HMBOX1: variants seen among roughly 807,000 people sequenced by gnomAD.
HMBOX1 encodes homeobox-containing protein 1.
Under a neutral mutation model 54.5 loss-of-function variants are expected in HMBOX1, and 14 were observed. That is an observed-to-expected ratio of 0.26 (90% CI 0.17 to 0.40). The LOEUF (loss-of-function observed/expected upper bound fraction) is 0.40, where lower values mean the gene tolerates loss of function less well. Ranked by LOEUF, HMBOX1 falls within the 10% of genes least tolerant of loss-of-function variation. The probability of loss-of-function intolerance (pLI) is 1.00; values close to 1 mark genes in which losing one functional copy is unlikely to be tolerated. For synonymous variants in HMBOX1, 160 were observed against 181.0 expected (o/e 0.88, Z 0.93); for missense variants, 332 against 514.4 (o/e 0.65, Z 3.43).
At chr8:28,909,933 C>T (rs1815085868) in intron 1 of HMBOX1, among the ~76,000 whole-genome samples, 1 of 151,862 alleles carries the variant, frequency 6.6e-6, no homozygotes, top group Non-Finnish European at 1.5e-5. Context: ...GATCATGGCT[C>T]ACTGCAGCCT....
intron 5 of HMBOX1, among the ~76,000 whole-genome samples, chr8:29,018,009 C>T (rs868576891): frequency 4.6e-5 from 7 of 151,948 alleles, no homozygotes; most frequent in South Asian, 4.2e-4. Flanking sequence ...ATTAGAAGAC[C>T]GATATGATCA....
intron 1 of HMBOX1, among the ~76,000 whole-genome samples, chr8:28,962,908 C>A (rs1213701426): frequency 6.6e-6 from 1 of 152,076 alleles, no homozygotes; most frequent in Non-Finnish European, 1.5e-5. Context: ...CTCCTAAGCT[C>A]CTCTACTGTT....
chr8:28,921,958 C>T (rs1441458774), intron 1 of HMBOX1, among the ~76,000 whole-genome samples: 2 of 152,056 alleles, frequency 1.3e-5, no homozygotes, highest in East Asian at 3.9e-4. Flanking sequence ...AAAAGTAATA[C>T]TTAGAAGAGG....
chr8:28,954,496 G>T (rs1206655601), intron 1 of HMBOX1, among the ~76,000 whole-genome samples: 1 of 151,950 alleles, frequency 6.6e-6, no homozygotes, highest in Non-Finnish European at 1.5e-5. Context: ...TTTCTTCCCT[G>T]ATTTAAATAT....
chr8:28,909,341 GT>G (rs1417465614), intron 1 of HMBOX1, among the ~76,000 whole-genome samples: 3 of 152,068 alleles, frequency 2.0e-5, no homozygotes. Context: ...ATAAAAATGG[GT>G]AACTAGAAAA....
chr8:29,016,740 A>C lies in HMBOX1; in HGVS notation c.698-2020A>C, dbSNP rs543508790. Among the ~76,000 whole-genome samples, 38 of 152,346 alleles carry C rather than the reference A, an allele frequency of 2.5e-4. 1 individual carries two copies. In the South Asian group the frequency reaches 7.9e-3, roughly 32 times the overall value. On this transcript the variant is annotated intron_variant, in intron 5 of 9. Coordinates refer to ENST00000287701, the MANE Select transcript of HMBOX1 (RefSeq NM_001135726.3). ...TCACTGCCTGTTGGTCAGAGACATC[A>C]GTTCCTCACAACATGGGCCTCACCA...
intron 9 of HMBOX1, among the ~76,000 whole-genome samples, chr8:29,049,764 A>G (rs992209481): frequency 1.3e-5 from 2 of 152,156 alleles, no homozygotes; most frequent in Non-Finnish European, 2.9e-5. Context: ...TTTTGATAGG[A>G]TTTAAATTTC....
At chr8:28,914,433 A>T (rs1330037782) in intron 1 of HMBOX1, among the ~76,000 whole-genome samples, 1 of 152,226 alleles carries the variant, frequency 6.6e-6, no homozygotes, top group South Asian at 2.1e-4. Flanking sequence ...GAAATTTAAC[A>T]TACTAATTAA....
At chr8:28,966,711 C>T (rs1826496899) in intron 2 of HMBOX1, among the ~76,000 whole-genome samples, 1 of 152,190 alleles carries the variant, frequency 6.6e-6, no homozygotes, top group South Asian at 2.1e-4. Context: ...AGCGTTTTCT[C>T]AGTAAAATAT....
At chr8:29,027,947 T>C (rs1403545844) in intron 6 of HMBOX1, among the ~76,000 whole-genome samples, 6 of 152,224 alleles carry the variant, frequency 3.9e-5, no homozygotes, top group Admixed American at 3.9e-4. Flanking sequence ...AATGTGTTTT[T>C]GTTATTAAAT....
chr8:29,032,993 A>G (rs1023823134), intron 6 of HMBOX1, among the ~76,000 whole-genome samples: 1 of 152,208 alleles, frequency 6.6e-6, no homozygotes, highest in African/African-American at 2.4e-5. Context: ...TTACTTTTGA[A>G]TGCCTCAGTG....
At chr8:28,999,777 G>C (rs920085803) in intron 4 of HMBOX1, among the ~76,000 whole-genome samples, 2 of 151,732 alleles carry the variant, frequency 1.3e-5, no homozygotes, top group Non-Finnish European at 1.5e-5. Flanking sequence ...GTTTGGTAAG[G>C]CATTTTTCTC....
intron 4 of HMBOX1, among the ~76,000 whole-genome samples, chr8:28,989,505 G>A (rs1273148293): frequency 1.3e-5 from 2 of 151,928 alleles, no homozygotes; most frequent in Admixed American, 1.3e-4. Context: ...TGTTATCTTT[G>A]TGGAAACTCA....
rs1244534335 is a variant in HMBOX1 at position 29,048,032 on chromosome 8, G to A, written c.1030+579G>A. ...GAATATAGAATTAGACATGGCCCCT[G>A]AGCAATTGATTACTCCTGTGGTACA... On this transcript the variant is annotated intron_variant, in intron 8 of 9. Coordinates refer to ENST00000287701, the MANE Select transcript of HMBOX1 (RefSeq NM_001135726.3). 2.0e-5 allele frequency among the ~76,000 whole-genome samples: 3 copies of A among 152,226 alleles called. No individual in the cohort carries two copies. In the East Asian group the frequency reaches 5.8e-4, roughly 29 times the overall value.
intron 1 of HMBOX1, among the ~76,000 whole-genome samples, chr8:28,901,349 A>T (rs1324137370): frequency 1.3e-5 from 2 of 151,642 alleles, no homozygotes; most frequent in Non-Finnish European, 2.9e-5. Flanking sequence ...TTCTTCCATC[A>T]TTCTTTTCTC....
At chr8:28,904,113 A>G (rs551073765) in intron 1 of HMBOX1, among the ~76,000 whole-genome samples, 197 of 152,202 alleles carry the variant, frequency 1.3e-3, no homozygotes, top group African/African-American at 4.4e-3. Context: ...TTGACACTCT[A>G]CATCAGTTTT....
chr8:28,979,097 T>C (rs1178511514), intron 3 of HMBOX1, among the ~76,000 whole-genome samples: 3 of 152,220 alleles, frequency 2.0e-5, no homozygotes, highest in Non-Finnish European at 4.4e-5. Context: ...AGGCGGTAAT[T>C]TGCTGACCCC....
chr8:28,890,158 C>G (rs1378186029), upstream of HMBOX1: 6 of 499,310 alleles, frequency 1.2e-5, no homozygotes, highest in Non-Finnish European at 2.2e-5. Flanking sequence ...CCTCTCCACC[C>G]CAGCATGATA....
At chr8:29,010,378 GA>G (rs1356771462) in intron 5 of HMBOX1, among the ~76,000 whole-genome samples, 1 of 152,116 alleles carries the variant, frequency 6.6e-6, no homozygotes, top group Non-Finnish European at 1.5e-5. Context: ...CCAACATGGT[GA>G]AACCCTGTCT....
Sources: gnomAD v4.1 joint callset for allele counts (sites outside exome capture counted in the v4.1 genomes callset) on GRCh38, gnomAD v4.1.1 for gene constraint, MANE v1.5 for transcripts, NCBI Gene and HGNC (gene_info 2026-07-23, HGNC 2026-07-21) for gene names.